LRRTM4: variants seen among roughly 807,000 people sequenced by gnomAD.
LRRTM4 encodes leucine rich repeat transmembrane neuronal 4.
Under a neutral mutation model 47.6 loss-of-function variants are expected in LRRTM4, and 25 were observed. That is an observed-to-expected ratio of 0.53 (90% confidence interval 0.38 to 0.73). The LOEUF (loss-of-function observed/expected upper bound fraction) is 0.73, where lower values mean the gene tolerates loss of function less well. Among genes scored for constraint, LRRTM4 ranks in the 30% least tolerant of loss-of-function variants. LRRTM4 has a pLI of 0.00. For synonymous variants in LRRTM4, 311 were observed against 269.5 expected (o/e 1.15, Z -1.51); for missense variants, 638 against 713.4 (o/e 0.89, Z 1.20).
At chr2:77,100,929 G>A (rs1261318938) in intron 3 of LRRTM4, among the ~76,000 whole-genome samples, 3 of 144,834 alleles carry the variant, frequency 2.1e-5, no homozygotes, top group South Asian at 4.3e-4. Context: ...TCTGCTTCCC[G>A]AGTTCAAGCA....
chr2:76,909,430 A>G (rs931978844), intron 3 of LRRTM4, among the ~76,000 whole-genome samples: 10 of 152,118 alleles, frequency 6.6e-5, no homozygotes, highest in African/African-American at 1.2e-4. Flanking sequence ...GGACATAGGC[A>G]TGGGCAAGGA....
intron 3 of LRRTM4, among the ~76,000 whole-genome samples, chr2:76,767,309 T>C (rs558910195): frequency 6.6e-6 from 1 of 152,218 alleles, no homozygotes; most frequent in Non-Finnish European, 1.5e-5. Context: ...TCTGTACTAA[T>C]TGCTAACATT....
chr2:77,364,572 C>G (rs907121806), intron 3 of LRRTM4, among the ~76,000 whole-genome samples: 3 of 152,054 alleles, frequency 2.0e-5, no homozygotes, highest in Non-Finnish European at 4.4e-5. Context: ...CTATTGCATC[C>G]TCTATAATTC....
chr2:77,378,123 A>G (rs1028845107), intron 3 of LRRTM4, among the ~76,000 whole-genome samples: 6 of 151,358 alleles, frequency 4.0e-5, no homozygotes, highest in African/African-American at 1.5e-4. Context: ...TACAAGATCT[A>G]CTCTCATTCA....
At chr2:77,136,585 G>A (rs1437021801) in intron 3 of LRRTM4, among the ~76,000 whole-genome samples, 1 of 152,188 alleles carries the variant, frequency 6.6e-6, no homozygotes, top group Non-Finnish European at 1.5e-5. Flanking sequence ...CCTTCCAAAG[G>A]AACGCAGCTC....
chr2:76,939,195 C>T (rs1167340018), intron 3 of LRRTM4, among the ~76,000 whole-genome samples: 1 of 152,048 alleles, frequency 6.6e-6, no homozygotes, highest in Non-Finnish European at 1.5e-5. Context: ...ATGTTTGTAG[C>T]TATAACAAGT....
chr2:77,203,816 C>G (rs967254292), intron 3 of LRRTM4, among the ~76,000 whole-genome samples: 1 of 152,018 alleles, frequency 6.6e-6, no homozygotes, highest in Non-Finnish European at 1.5e-5. Context: ...TGTTCTATTG[C>G]AAGGTTAAGT....
chr2:76,872,008 C>G (rs771300342), intron 3 of LRRTM4, among the ~76,000 whole-genome samples: 16 of 152,102 alleles, frequency 1.1e-4, no homozygotes, highest in Non-Finnish European at 1.9e-4. Flanking sequence ...GTGGGGAACC[C>G]GAGGCAGAAG....
intron 3 of LRRTM4, among the ~76,000 whole-genome samples, chr2:77,131,564 A>G (rs1041938144): frequency 6.6e-6 from 1 of 152,208 alleles, no homozygotes; most frequent in Non-Finnish European, 1.5e-5. Flanking sequence ...CACAATTACA[A>G]GAGTAATATA....
At chr2:77,084,524 C>A (rs560432052) in intron 3 of LRRTM4, among the ~76,000 whole-genome samples, 1 of 152,298 alleles carries the variant, frequency 6.6e-6, no homozygotes, top group Admixed American at 6.5e-5. Flanking sequence ...TTTACCCTTA[C>A]ATTATTTATG....
chr2:77,446,761 T>C (rs1676069487), intron 3 of LRRTM4, among the ~76,000 whole-genome samples: 1 of 152,080 alleles, frequency 6.6e-6, no homozygotes, highest in Non-Finnish European at 1.5e-5. Context: ...TATGCCATTT[T>C]TCTCCCCTAA....
chr2:77,332,605 A>C (rs544716576), intron 3 of LRRTM4, among the ~76,000 whole-genome samples: 1 of 152,270 alleles, frequency 6.6e-6, no homozygotes, highest in South Asian at 2.1e-4. Context: ...ATTTTTAGAG[A>C]TCAATCAGAG....
rs149119975 is a variant in LRRTM4 at position 76,797,382 on chromosome 2, G to A, written c.1552-48466C>T. ...GCCAAACTAAGCTTCATAAGCGAAT[G>A]AGAAATGAAATACTTTACAGACAAG... On this transcript the variant is annotated intron_variant, in intron 3 of 3. Transcript: ENST00000409884. Among the ~76,000 whole-genome samples the A allele has an allele frequency of 7.5e-3, 1,147 of 152,122 alleles. 25 individuals are homozygous for A. The highest frequency in any genetic ancestry group is 0.026 in the African/African-American group (1,070 of 41,512).
intron 3 of LRRTM4, among the ~76,000 whole-genome samples, chr2:77,335,042 T>C (rs13389317): frequency 3.4e-4 from 52 of 152,290 alleles, no homozygotes; most frequent in African/African-American, 1.2e-3. Context: ...CCTTTTCCTT[T>C]CTCATTTTAA....
intron 3 of LRRTM4, among the ~76,000 whole-genome samples, chr2:77,439,743 G>A (rs564407972): frequency 6.6e-6 from 1 of 152,240 alleles, no homozygotes; most frequent in African/African-American, 2.4e-5. Flanking sequence ...TATTATTACA[G>A]GTGACGCTAC....
chr2:77,443,166 G>A (rs1489002245), intron 3 of LRRTM4, among the ~76,000 whole-genome samples: 1 of 152,142 alleles, frequency 6.6e-6, no homozygotes, highest in East Asian at 1.9e-4. Context: ...GCAAATGTAG[G>A]TAGGAGCCAT....
chr2:76,886,501 A>C (rs1673081082), intron 3 of LRRTM4, among the ~76,000 whole-genome samples: 1 of 152,092 alleles, frequency 6.6e-6, no homozygotes, highest in Admixed American at 6.5e-5. Flanking sequence ...ATGTAATACA[A>C]CCAATAAATA....
intron 3 of LRRTM4, among the ~76,000 whole-genome samples, chr2:76,767,179 ATTTC>A (rs1458115341): frequency 1.3e-5 from 2 of 152,172 alleles, no homozygotes; most frequent in African/African-American, 4.8e-5. Flanking sequence ...AGTGTGCAGT[ATTTC>A]TTTCTGGCAT....
At chr2:77,240,046 C>T (rs1345681203) in intron 3 of LRRTM4, among the ~76,000 whole-genome samples, 1 of 151,684 alleles carries the variant, frequency 6.6e-6, no homozygotes, top group East Asian at 1.9e-4. Context: ...ATAAAATAAA[C>T]TTTAAAATAT....
Sources: gnomAD v4.1 joint callset for allele counts (sites outside exome capture counted in the v4.1 genomes callset) on GRCh38, gnomAD v4.1.1 for gene constraint, MANE v1.5 for transcripts, NCBI Gene and HGNC (gene_info 2026-07-23, HGNC 2026-07-21) for gene names.